MPRIP: variants seen among roughly 807,000 people sequenced by gnomAD.
MPRIP encodes the protein myosin phosphatase Rho interacting protein, also known as myosin phosphatase Rho-interacting protein.
In MPRIP, 59 loss-of-function variants were observed where a neutral mutation model predicts 234.9. That is an observed-to-expected ratio of 0.25 (90% CI 0.20 to 0.31). The LOEUF (loss-of-function observed/expected upper bound fraction) is 0.31, where lower values mean the gene tolerates loss of function less well. Ranked by LOEUF, MPRIP falls within the 10% of genes least tolerant of loss-of-function variation. MPRIP has a pLI of 1.00. For synonymous variants in MPRIP, 1,144 were observed against 1,263.9 expected (o/e 0.91, Z 2.01); for missense variants, 2,436 against 3,071.0 (o/e 0.79, Z 4.89).
rs542705227 is a variant in MPRIP, at chr17:17,165,425, C to T, written c.3834C>T (p.Tyr1278=). 50 of 1,304,158 alleles carry T rather than the reference C, an allele frequency of 3.8e-5. No individual in the cohort carries two copies. In the African/African-American group the frequency reaches 4.9e-4, roughly 13 times the overall value. 80.8% of individuals were successfully genotyped at this position (1,304,158 alleles called of 1,614,324 possible). A position where few individuals can be genotyped will look rare whatever the true frequency, so the allele number is the denominator to read the frequency against. The change falls in exon 16 of 24, where the codon TAC becomes TAT. Residue 1278 remains tyrosine (Y), a synonymous_variant. Transcript: ENST00000651222. ...EDLGAPPGEE[Y]GDGSPSREDS... ...TGGGGGCTCCTCCGGGGGAAGAGTA[C>T]GGTGATGGCAGCCCCAGTAGGGAAG...
chr17:17,045,946 C>T (rs1280818362), intron 1 of MPRIP, among the ~76,000 whole-genome samples: 2 of 152,040 alleles, frequency 1.3e-5, no homozygotes, highest in Non-Finnish European at 2.9e-5. Flanking sequence ...GCTGGGACTA[C>T]AGGCACCCGC....
intron 16 of MPRIP, among the ~76,000 whole-genome samples, chr17:17,169,628 G>A (rs1022311708): frequency 2.6e-5 from 4 of 152,270 alleles, no homozygotes; most frequent in Non-Finnish European, 5.9e-5. Flanking sequence ...CCGTTGCATA[G>A]TGTCCCCTCC....
Position 17,161,308 on chromosome 17 carries a change from G to A in MPRIP, c.2469G>A (p.Arg823=). 6.3e-7 allele frequency: 1 copy of A among 1,595,080 alleles called. No homozygotes were observed. Among genetic ancestry groups the A allele is most frequent in the East Asian group, 2.3e-5 (1 of 44,254 alleles). Residue 823 remains arginine, a synonymous_variant, in exon 15 of 24, where the codon AGG becomes AGA. Coordinates refer to ENST00000651222, the MANE Select transcript of MPRIP (RefSeq NM_001364716.4). ...ACCGGCTCCTGCAGGACCAGCTGAG[G>A]GTGGCCCTGGGCCGGGAGCAGAGCG... is the stretch of plus-strand genomic sequence containing the variant. The part of the protein sequence containing the change: ...EQNRLLQDQL[R]VALGREQSAR...
chr17:17,064,847 G>A (rs2088974041), intron 1 of MPRIP, among the ~76,000 whole-genome samples: 1 of 152,168 alleles, frequency 6.6e-6, no homozygotes, highest in Admixed American at 6.5e-5. Context: ...GTGAGTGTAT[G>A]TTTTCATTCC....
chr17:17,146,756 T>G (rs1597459953), intron 10 of MPRIP, among the ~76,000 whole-genome samples: 1 of 152,258 alleles, frequency 6.6e-6, no homozygotes, highest in African/African-American at 2.4e-5. Flanking sequence ...TCCTGCTTCC[T>G]GAGCTGCTAT....
intron 1 of MPRIP, among the ~76,000 whole-genome samples, chr17:17,062,399 C>G (rs2088894087): frequency 6.6e-6 from 1 of 152,244 alleles, no homozygotes; most frequent in Non-Finnish European, 1.5e-5. Flanking sequence ...TGCTGCTGAT[C>G]TTGGCAGTCC....
intron 23 of MPRIP, chr17:17,182,347 A>T (rs1372824470): frequency 6.6e-6 from 1 of 152,226 alleles, no homozygotes; most frequent in Non-Finnish European, 1.5e-5. Context: ...AAAGACAGCA[A>T]GTTGCTTAGG....
rs1348898957 is a variant in MPRIP, at chr17:17,138,861, T to C, written c.1250+432T>C. On this transcript the variant is annotated intron_variant, in intron 7 of 23. Transcript: ENST00000651222. The surrounding 1 kb of genome is among the most constrained non-coding windows in gnomAD (Gnocchi z 5.8). ...CAGTCCCAGGGTGGGCAAAGGGCAC[T>C]GAGAGGTTCAGAGGCAGACAGGCAT... Among the ~76,000 whole-genome samples, 3 of 152,116 alleles carry C rather than the reference T, an allele frequency of 2.0e-5. No homozygotes were observed. The highest frequency in any genetic ancestry group is 7.2e-5 in the African/African-American group (3 of 41,418).
intron 18 of MPRIP, among the ~76,000 whole-genome samples, chr17:17,173,489 C>T (rs899835360): frequency 1.3e-4 from 20 of 152,230 alleles, no homozygotes; most frequent in African/African-American, 3.9e-4. Context: ...TGCAGGAGGA[C>T]GGCCCTCCTG....
rs1451328075 is a variant in MPRIP, at chr17:17,137,992, G to A, written c.813G>A (p.Glu271=). 6.2e-7 allele frequency: 1 copy of A among 1,612,804 alleles called. No individual in the cohort carries two copies. The highest frequency in any genetic ancestry group is 1.3e-5 in the African/African-American group (1 of 74,976). ...VRVESGYFSL[E]KTKQDLKAEE... is the part of the protein sequence containing the mutation. ...TGGAGAGCGGCTACTTCTCTCTGGAGAAGACCAAACAGGACTTGAAGGCTG... is the reference window on the plus strand; with the variant it reads ...TGGAGAGCGGCTACTTCTCTCTGGAAAAGACCAAACAGGACTTGAAGGCTG... Residue 271 remains glutamate, a synonymous_variant, in exon 7 of 24, where the codon GAG becomes GAA. Coordinates refer to ENST00000651222, the MANE Select transcript of MPRIP (RefSeq NM_001364716.4).
intron 1 of MPRIP, among the ~76,000 whole-genome samples, chr17:17,053,394 C>T (rs2088600498): frequency 6.6e-6 from 1 of 152,106 alleles, no homozygotes; most frequent in Admixed American, 6.5e-5. Flanking sequence ...CCAAAGTCCT[C>T]AGCAACCGCA....
chr17:17,136,568 C>A, intron 6 of MPRIP, 118 bp downstream of exon 6: 1 of 985,374 alleles, frequency 1.0e-6, no homozygotes, highest in Non-Finnish European at 1.5e-6. Context: ...ACCTCGATTC[C>A]CTTTGTCCAT....
chr17:17,149,595 G>A (rs2045552684), intron 11 of MPRIP, among the ~76,000 whole-genome samples: 1 of 151,528 alleles, frequency 6.6e-6, no homozygotes, highest in Admixed American at 6.6e-5. Context: ...AAAATTCAAA[G>A]CAATGTGACT....
chr17:17,177,097 A>G (rs896645956), intron 21 of MPRIP, among the ~76,000 whole-genome samples, 153 bp from the exon 22 acceptor site: 14 of 151,986 alleles, frequency 9.2e-5, no homozygotes, highest in Non-Finnish European at 2.1e-4. Flanking sequence ...CTCTCTGTCC[A>G]CTGTCTGCCT....
rs2046374253 is a variant in MPRIP, at chr17:17,181,523, A to G, written c.7206+1435A>G. On this transcript the variant is annotated intron_variant, in intron 23 of 23. Transcript: ENST00000651222. ...AGTTCTAAGTCCCCTATACCCAAAT[A>G]TGGTTTAGGCTTGATTGAAAACTTA... 3.3e-5 allele frequency: 5 copies of G among 152,216 alleles called. No homozygotes were observed. In the South Asian group the frequency reaches 1.0e-3, roughly 32 times the overall value. 9.4% of individuals were successfully genotyped at this position (152,216 alleles called of 1,614,324 possible). A position where few individuals can be genotyped will look rare whatever the true frequency, so the allele number is the denominator to read the frequency against.
In MPRIP at chr17:17,190,482, G is replaced by A. The variant is rs1170470470; in HGVS notation, c.*5588G>A. ...CTGAGCTGAAGGCTAGTAATACCGT[G>A]CTGTAGGCTCTTTAAAAGGAAAGCC... is the stretch of plus-strand genomic sequence containing the variant. On this transcript the variant is annotated 3_prime_UTR_variant, in exon 24 of 24. Coordinates refer to ENST00000651222, the MANE Select transcript of MPRIP (RefSeq NM_001364716.4). 3 of 152,242 alleles carry A rather than the reference G, an allele frequency of 2.0e-5. No individual in the cohort carries two copies. Among genetic ancestry groups the A allele is most frequent in the African/African-American group, 7.2e-5 (3 of 41,460 alleles). The allele number at this position is 152,242 out of a possible 1,614,324, so 9.4% of individuals were successfully genotyped here. A position where few individuals can be genotyped will look rare whatever the true frequency, so the allele number is the denominator to read the frequency against.
rs536479644 is a variant in MPRIP, at chr17:17,178,335, T to C, written c.7120+923T>C. The C allele has an allele frequency of 8.5e-5, 13 of 152,330 alleles. No homozygotes were observed. In the East Asian group the frequency reaches 2.3e-3, roughly 27 times the overall value. The allele number at this position is 152,330 out of a possible 1,614,324, so 9.4% of individuals were successfully genotyped here. On this transcript the variant is annotated intron_variant, in intron 22 of 23. Transcript: ENST00000651222. The stretch of plus-strand genomic sequence containing the variant: ...CAAAAAAGAAAAAATCAACTTTTTT[T>C]CTGTCAGGCAAGGAATAGTGATTAT...
At chr17:17,183,767 C>T (rs2046420193) in intron 23 of MPRIP, among the ~76,000 whole-genome samples, 1 of 152,198 alleles carries the variant, frequency 6.6e-6, no homozygotes, top group Admixed American at 6.5e-5. Flanking sequence ...CAGAGTGTGC[C>T]TGAGCCTAAG....
intron 3 of MPRIP, among the ~76,000 whole-genome samples, chr17:17,121,079 G>T (rs905087808): frequency 6.6e-6 from 1 of 152,182 alleles, no homozygotes; most frequent in Non-Finnish European, 1.5e-5. Flanking sequence ...TCCTGACATG[G>T]CTACTTCCTA....
Sources: gnomAD v4.1 joint callset for allele counts (sites outside exome capture counted in the v4.1 genomes callset) on GRCh38, gnomAD v4.1.1 for gene constraint, Gnocchi (gnomAD v3.1) non-coding constraint, MANE v1.5 for transcripts, NCBI Gene and HGNC (gene_info 2026-07-23, HGNC 2026-07-21) for gene names.